Variants in INPP5A observed in about 807,000 individuals in gnomAD.
INPP5A encodes inositol polyphosphate-5-phosphatase A, also known as 43 kDa inositol polyphosphate 5-phophatase.
A neutral mutation model predicts 65.2 loss-of-function variants in INPP5A; 14 were observed. The ratio of observed to expected loss-of-function variants is 0.21; its 90% CI spans 0.14 to 0.34. The LOEUF (loss-of-function observed/expected upper bound fraction) is 0.34, where lower values mean the gene tolerates loss of function less well. Among genes scored for constraint, INPP5A ranks in the 10% least tolerant of loss-of-function variants. The pLI is 1.00. For missense variants in INPP5A, 431 were observed against 545.6 expected, an observed-to-expected ratio of 0.79 and a Z score of 2.09; for synonymous variants, 207 against 208.3, an observed-to-expected ratio of 0.99 and a Z score of 0.05.
rs1328820254 is a variant in INPP5A, at chr10:132,650,555, C to CAGAA, written c.306+51_306+54dup. The CAGAA allele has an allele frequency of 7.6e-7, 1 of 1,317,430 alleles. No individual in the cohort carries two copies. The highest frequency in any genetic ancestry group is 1.2e-5 in the South Asian group (1 of 85,118). The allele number at this position is 1,317,430 out of a possible 1,614,324, so 81.6% of individuals were successfully genotyped here. A position where few individuals can be genotyped will look rare whatever the true frequency, so the allele number is the denominator to read the frequency against. ...CAGGGGTCAGACAGGCTGGCCTTGG[C>CAGAA]AGAAGCCAGCCCTTCTCCTGTGTAA... On this transcript the variant is annotated intron_variant, in intron 4 of 15. Coordinates refer to ENST00000368594, the MANE Select transcript of INPP5A (RefSeq NM_005539.5). The surrounding 1 kb of genome is among the most constrained non-coding windows in gnomAD (Gnocchi z 5.5).
Position 132,726,912 on chromosome 10 carries a change from G to C in INPP5A, c.732+7G>C. 6.3e-7 allele frequency: 1 copy of C among 1,596,128 alleles called. No homozygotes were observed. Among genetic ancestry groups the C allele is most frequent in the Non-Finnish European group, 8.6e-7 (1 of 1,165,734 alleles). Reference sequence around the variant, plus strand: ...TTCCAAGTCCGTCGTGGAGGTAGGCGCTGGCTTCCCTCCCGCCCTGGTCTC... The same window carrying C: ...TTCCAAGTCCGTCGTGGAGGTAGGCCCTGGCTTCCCTCCCGCCCTGGTCTC... On this transcript the variant is annotated splice_region_variant and intron_variant, in intron 9 of 15. Coordinates refer to ENST00000368594, the MANE Select transcript of INPP5A (RefSeq NM_005539.5).
At chr10:132,634,605 C>T (rs1334807614) in intron 2 of INPP5A, among the ~76,000 whole-genome samples, 1 of 152,260 alleles carries the variant, frequency 6.6e-6, no homozygotes, top group Non-Finnish European at 1.5e-5. Context: ...GCTAAAGTCT[C>T]CTACAGTGGT....
intron 13 of INPP5A, among the ~76,000 whole-genome samples, chr10:132,778,140 C>G (rs1297846396): frequency 6.6e-6 from 1 of 152,062 alleles, no homozygotes; most frequent in Non-Finnish European, 1.5e-5. Flanking sequence ...TGGGCTGGGC[C>G]GTGAAGCGCA....
chr10:132,571,972 C>T (rs1008376260), intron 1 of INPP5A, among the ~76,000 whole-genome samples: 5 of 152,230 alleles, frequency 3.3e-5, no homozygotes, highest in African/African-American at 1.2e-4. Context: ...TGCTGTGCCC[C>T]TCTGTCTCAC....
At chr10:132,689,658 C>A (rs539497181) in intron 4 of INPP5A, among the ~76,000 whole-genome samples, 1 of 152,336 alleles carries the variant, frequency 6.6e-6, no homozygotes, top group Non-Finnish European at 1.5e-5. Flanking sequence ...TCAGTACGAA[C>A]ACACTGCTGC....
At chr10:132,722,605 T>TA (rs958102322) in intron 8 of INPP5A, among the ~76,000 whole-genome samples, 1 of 152,136 alleles carries the variant, frequency 6.6e-6, no homozygotes, top group Non-Finnish European at 1.5e-5. Context: ...TGACTCTCCC[T>TA]AAGTCTTTAA....
intron 1 of INPP5A, among the ~76,000 whole-genome samples, chr10:132,558,195 C>T (rs2071151769): frequency 6.6e-6 from 1 of 152,208 alleles, no homozygotes; most frequent in Non-Finnish European, 1.5e-5. Context: ...TGATAGCCTT[C>T]CCGCCAGCTG....
intron 1 of INPP5A, 145 bp from the exon 2 acceptor site, chr10:132,607,770 G>A (rs540174279): frequency 6.6e-5 from 51 of 777,044 alleles, no homozygotes; most frequent in African/African-American, 1.2e-4. Context: ...GGGTTTCCCC[G>A]TGCGGGTGGA....
intron 12 of INPP5A, among the ~76,000 whole-genome samples, chr10:132,775,115 G>A (rs1303646912): frequency 1.3e-5 from 1 of 78,758 alleles, no homozygotes; most frequent in Non-Finnish European, 2.6e-5. Context: ...CAGGGAGGAG[G>A]GGCAGGGAGG....
intron 2 of INPP5A, among the ~76,000 whole-genome samples, chr10:132,622,034 A>T (rs2072117046): frequency 1.3e-5 from 2 of 152,208 alleles, no homozygotes; most frequent in South Asian, 4.1e-4. Context: ...CTTTACTATT[A>T]CTATTAAGTG....
At chr10:132,645,740 A>G (rs1382778231) in intron 2 of INPP5A, 128 bp from the exon 3 acceptor site, 2 of 635,398 alleles carry the variant, frequency 3.1e-6, no homozygotes, top group Non-Finnish European at 5.6e-6. Context: ...CCATGGTCGC[A>G]GACATGGGGC....
intron 11 of INPP5A, among the ~76,000 whole-genome samples, chr10:132,758,617 G>A (rs1297566287): frequency 6.6e-6 from 1 of 152,012 alleles, no homozygotes; most frequent in African/African-American, 2.4e-5. Flanking sequence ...CGATGATGTG[G>A]GTCCCCAGCT....
rs1189335759 is a variant in INPP5A at position 132,651,599 on chromosome 10, T to G, written c.306+1094T>G. Among the ~76,000 whole-genome samples the G allele has an allele frequency of 1.3e-5, 2 of 152,138 alleles. No homozygotes were observed. The highest frequency in any genetic ancestry group is 3.9e-4 in the East Asian group (2 of 5,182). On this transcript the variant is annotated intron_variant, in intron 4 of 15. Transcript: ENST00000368594. The surrounding 1 kb of genome is among the most constrained non-coding windows in gnomAD (Gnocchi z 5.0). Reference sequence around the variant, plus strand: ...CCCCAGCATCAGCGCCCACTAGCCGTCATTGCGCCGTCACGTGACAGGCCC... The same window carrying G: ...CCCCAGCATCAGCGCCCACTAGCCGGCATTGCGCCGTCACGTGACAGGCCC...
chr10:132,730,710 G>A (rs1846068815), intron 9 of INPP5A, among the ~76,000 whole-genome samples: 1 of 152,212 alleles, frequency 6.6e-6, no homozygotes, highest in Admixed American at 6.5e-5. Context: ...ACGTGGCAGA[G>A]CTCCTGCGGG....
chr10:132,676,330 T>C lies in INPP5A; in HGVS notation c.307-14062T>C, dbSNP rs2072964090. ...TTTCATGAGACCTGCGGAAAGGCTC[T>C]GGGGCGTCACGTCTCCCTGTGGCCG... On this transcript the variant is annotated intron_variant, in intron 4 of 15. Transcript: ENST00000368594. This position sits in a 1 kb window ranked among gnomAD's most constrained non-coding sequence, Gnocchi z 4.0. Among the ~76,000 whole-genome samples, 2 of 152,180 alleles carry C rather than the reference T, an allele frequency of 1.3e-5. No homozygotes were observed. The highest frequency in any genetic ancestry group is 6.5e-5 in the Admixed American group (1 of 15,286).
At chr10:132,646,608 C>T (rs980322031) in intron 3 of INPP5A, among the ~76,000 whole-genome samples, 4 of 152,190 alleles carry the variant, frequency 2.6e-5, no homozygotes, top group Admixed American at 6.5e-5. Context: ...CCGTGAAGCC[C>T]GCCCTCTGTG....
intron 5 of INPP5A, among the ~76,000 whole-genome samples, chr10:132,693,724 G>A (rs2767420): frequency 0.99 from 151,123 of 152,360 alleles, 74,950 homozygotes; most frequent in Middle Eastern, 1. Flanking sequence ...AATTATTCAT[G>A]TCAGAAATTA....
At chr10:132,721,686 T>C (rs1845884977) in intron 8 of INPP5A, among the ~76,000 whole-genome samples, 1 of 151,286 alleles carries the variant, frequency 6.6e-6, no homozygotes, top group South Asian at 2.1e-4. Context: ...ACAGCTGTCT[T>C]GCGGGTTCTG....
At chr10:132,607,801 C>T in intron 1 of INPP5A, 114 bp from the exon 2 acceptor site, 4 of 1,056,508 alleles carry the variant, frequency 3.8e-6, no homozygotes, top group Non-Finnish European at 5.7e-6. Flanking sequence ...GCGGGGTGGG[C>T]CCGGGCTGCG....
Sources: allele counts gnomAD v4.1 joint callset (sites outside exome capture counted in the v4.1 genomes callset), GRCh38; gene constraint gnomAD v4.1.1; non-coding constraint Gnocchi (gnomAD v3.1); transcripts MANE v1.5; gene names NCBI Gene and HGNC (gene_info 2026-07-23, HGNC 2026-07-21).